The following CPA6 variants were observed in gnomAD, a reference collection of about 807,000 sequenced individuals.
CPA6 encodes the protein carboxypeptidase A6, also known as carboxypeptidase B.
CPA6 carries 58 observed loss-of-function variants against 63.3 expected under a neutral mutation model. The observed-to-expected ratio is 0.92, with a 90% CI of 0.74 to 1.14. The LOEUF is 1.14. CPA6 is among the 50% of genes most tolerant of loss of function. The pLI, the probability that CPA6 is intolerant of heterozygous loss-of-function variation, is 0.00. For synonymous variants in CPA6, 185 were observed against 179.0 expected, an observed-to-expected ratio of 1.03 and a Z score of -0.27; for missense variants, 565 against 526.6, an observed-to-expected ratio of 1.07 and a Z score of -0.71.
intron 1 of CPA6, among the ~76,000 whole-genome samples, chr8:67,727,580 A>G (rs1394532937): frequency 6.6e-6 from 1 of 152,206 alleles, no homozygotes; most frequent in Non-Finnish European, 1.5e-5. Context: ...ATTAATCACC[A>G]GAGAAAAGGA....
rs750417027 is a variant in CPA6, at chr8:67,545,580, T to TTTTTTTTTG, written c.193-27534_193-27533insCAAAAAAAA. ...TACTGTTACTTTTTTTTTTTTTTTT[T>TTTTTTTTTG]TTTTGAGATGGAGTTTTGCTCTTGT... On this transcript the variant is annotated intron_variant, in intron 2 of 10. Coordinates refer to ENST00000297770, the MANE Select transcript of CPA6 (RefSeq NM_020361.5). 4.8e-5 allele frequency among the ~76,000 whole-genome samples: 6 copies of TTTTTTTTTG among 125,670 alleles called. 1 individual carries two copies. Among genetic ancestry groups the TTTTTTTTTG allele is most frequent in the Non-Finnish European group, 8.3e-5 (5 of 60,026 alleles). 82.4% of individuals were successfully genotyped at this position (125,670 alleles called of 152,430 possible). A position where few individuals can be genotyped will look rare whatever the true frequency, so the allele number is the denominator to read the frequency against.
intron 1 of CPA6, among the ~76,000 whole-genome samples, chr8:67,692,102 C>G (rs1034521940): frequency 1.3e-5 from 2 of 152,132 alleles, no homozygotes; most frequent in African/African-American, 4.8e-5. Flanking sequence ...TTTGGGAGGC[C>G]GAGGCCAGCG....
intron 9 of CPA6, among the ~76,000 whole-genome samples, chr8:67,432,649 G>T (rs1810053161): frequency 6.6e-6 from 1 of 152,096 alleles, no homozygotes; most frequent in Non-Finnish European, 1.5e-5. Flanking sequence ...TTTTTGTAGA[G>T]ATGGGCATCT....
intron 1 of CPA6, among the ~76,000 whole-genome samples, chr8:67,673,381 T>TTATTATTA (rs368012210): frequency 0.027 from 2,788 of 101,496 alleles, 34 homozygotes; most frequent in African/African-American, 0.034. Context: ...ATTATTATTA[T>TTATTATTA]TTATTTATTT....
chr8:67,479,190 T>G (rs968417777), intron 8 of CPA6, among the ~76,000 whole-genome samples: 1 of 152,222 alleles, frequency 6.6e-6, no homozygotes, highest in Non-Finnish European at 1.5e-5. Flanking sequence ...AACAGTTACC[T>G]GTAGTCCTTT....
chr8:67,675,408 G>T (rs998412754), intron 1 of CPA6, among the ~76,000 whole-genome samples: 1 of 152,008 alleles, frequency 6.6e-6, no homozygotes, highest in African/African-American at 2.4e-5. Context: ...GTGGTTTTAC[G>T]CCCTTTTTAC....
At chr8:67,439,199 G>T (rs987246817) in intron 8 of CPA6, among the ~76,000 whole-genome samples, 1 of 152,102 alleles carries the variant, frequency 6.6e-6, no homozygotes, top group Admixed American at 6.5e-5. Context: ...GAAAGGCAGA[G>T]GCAGGATTGC....
intron 1 of CPA6, among the ~76,000 whole-genome samples, chr8:67,740,141 T>G (rs577339264): frequency 8.5e-5 from 13 of 152,146 alleles, no homozygotes; most frequent in Non-Finnish European, 1.9e-4. Flanking sequence ...CCCTTCTCAG[T>G]TGGGAAGGAG....
chr8:67,612,926 A>T (rs1309467736), intron 2 of CPA6, among the ~76,000 whole-genome samples: 2 of 152,240 alleles, frequency 1.3e-5, no homozygotes, highest in African/African-American at 2.4e-5. Flanking sequence ...ACTCCAAGGC[A>T]GAGCACCTGA....
intron 1 of CPA6, among the ~76,000 whole-genome samples, chr8:67,693,941 T>G (rs1456322692): frequency 2.0e-5 from 3 of 152,188 alleles, no homozygotes; most frequent in Admixed American, 6.5e-5. Context: ...AGGGATCCAG[T>G]GGTGTGGAGC....
At chr8:67,612,649 T>C (rs868062836) in intron 2 of CPA6, among the ~76,000 whole-genome samples, 1 of 152,324 alleles carries the variant, frequency 6.6e-6, no homozygotes. Flanking sequence ...TGTGGGACCA[T>C]GGGAATTTTA....
At chr8:67,742,199 T>C (rs753937188) in intron 1 of CPA6, among the ~76,000 whole-genome samples, 2 of 152,146 alleles carry the variant, frequency 1.3e-5, no homozygotes, top group Admixed American at 6.5e-5. Flanking sequence ...CTATCCCTTA[T>C]GGGCCCTGCA....
chr8:67,582,218 C>T (rs1318386948), intron 2 of CPA6, among the ~76,000 whole-genome samples: 1 of 152,040 alleles, frequency 6.6e-6, no homozygotes, highest in Non-Finnish European at 1.5e-5. Context: ...CTACTGAGAG[C>T]CCACCTCAGA....
intron 1 of CPA6, among the ~76,000 whole-genome samples, chr8:67,687,875 C>A (rs1439723283): frequency 6.6e-6 from 1 of 152,114 alleles, no homozygotes; most frequent in Non-Finnish European, 1.5e-5. Context: ...GATTCAAATG[C>A]AAGGTTTTGT....
intron 6 of CPA6, among the ~76,000 whole-genome samples, chr8:67,488,273 C>A (rs1478021332): frequency 6.6e-6 from 1 of 152,218 alleles, no homozygotes; most frequent in African/African-American, 2.4e-5. Flanking sequence ...CTACATATGG[C>A]TAGCCAGTTT....
intron 8 of CPA6, among the ~76,000 whole-genome samples, chr8:67,443,793 C>A (rs1469619279): frequency 2.0e-5 from 3 of 152,126 alleles, no homozygotes; most frequent in East Asian, 1.9e-4. Context: ...AATCAAGACA[C>A]AATTACAACA....
intron 3 of CPA6, among the ~76,000 whole-genome samples, chr8:67,517,087 C>A (rs1184936516): frequency 1.3e-5 from 2 of 152,016 alleles, no homozygotes; most frequent in Non-Finnish European, 2.9e-5. Context: ...TGAGCCACCG[C>A]ACCCGGCCCC....
chr8:67,744,270 CTACTCT>C (rs1817966340), intron 1 of CPA6, among the ~76,000 whole-genome samples: 1 of 152,176 alleles, frequency 6.6e-6, no homozygotes, highest in Non-Finnish European at 1.5e-5. Context: ...TTCTTCCCTC[CTACTCT>C]TAGACATCTG....
intron 10 of CPA6, among the ~76,000 whole-genome samples, chr8:67,427,335 C>T (rs867576603): frequency 3.9e-5 from 6 of 152,252 alleles, no homozygotes; most frequent in Middle Eastern, 3.4e-3. Context: ...TTTATCGTTC[C>T]TTGTCCAAAA....
Sources: gnomAD v4.1 joint callset for allele counts (sites outside exome capture counted in the v4.1 genomes callset) on GRCh38, gnomAD v4.1.1 for gene constraint, MANE v1.5 for transcripts, NCBI Gene and HGNC (gene_info 2026-07-23, HGNC 2026-07-21) for gene names.